GNAT3: variants seen among roughly 807,000 people sequenced by gnomAD.
GNAT3 encodes the protein G protein subunit alpha transducin 3, also known as guanine nucleotide-binding protein G(t) subunit alpha-3.
GNAT3 carries 31 observed loss-of-function variants against 37.7 expected under a neutral mutation model. The observed-to-expected ratio is 0.82, with a 90% CI of 0.62 to 1.11. The LOEUF is 1.11. Ranked by LOEUF, GNAT3 falls within the 50% of genes most tolerant of loss-of-function variation. The pLI, the probability that GNAT3 is intolerant of heterozygous loss-of-function variation, is 0.00. For missense variants in GNAT3, 437 were observed against 412.5 expected (o/e 1.06, Z -0.51); for synonymous variants, 138 against 139.8 (o/e 0.99, Z 0.09).
chr7:80,462,108 T>C (rs1417278595), intron 7 of GNAT3, 51 bp downstream of exon 7: 1 of 1,139,396 alleles, frequency 8.8e-7, no homozygotes, highest in South Asian at 1.5e-5. Flanking sequence ...ATAGGAAATA[T>C]ATATTTATAC....
intron 1 of GNAT3, among the ~76,000 whole-genome samples, chr7:80,508,277 A>C (rs1344826589): frequency 6.6e-6 from 1 of 151,980 alleles, no homozygotes; most frequent in Non-Finnish European, 1.5e-5. Context: ...ATTTGCAAAA[A>C]AAACAAACGA....
intron 3 of GNAT3, among the ~76,000 whole-genome samples, chr7:80,479,591 G>A (rs1790357555): frequency 6.6e-6 from 1 of 151,516 alleles, no homozygotes; most frequent in Non-Finnish European, 1.5e-5. Context: ...CATGTCTGTA[G>A]TCCCAGCTAC....
At chr7:80,480,622 T>G (rs1238963747) in intron 3 of GNAT3, among the ~76,000 whole-genome samples, 6 of 152,108 alleles carry the variant, frequency 3.9e-5, no homozygotes, top group Admixed American at 3.9e-4. Flanking sequence ...TGTGGTTTCT[T>G]GATGATATGC....
intron 2 of GNAT3, among the ~76,000 whole-genome samples, chr7:80,493,780 CTCCACCTCTT>C (rs1420429569): frequency 8.7e-6 from 1 of 114,972 alleles, no homozygotes; most frequent in African/African-American, 2.9e-5. Context: ...CTCTTTCCTC[CTCCACCTCTT>C]TCCTCCTCCT....
At chr7:80,494,542 A>G in intron 2 of GNAT3, 63 bp downstream of exon 2, 1 of 875,890 alleles carries the variant, frequency 1.1e-6, no homozygotes, top group Admixed American at 2.5e-5. Flanking sequence ...CATGTATTTT[A>G]AGAATGGTCA....
chr7:80,486,633 T>TC, intron 3 of GNAT3: 1 of 74,796 alleles, frequency 1.3e-5, no homozygotes, highest in African/African-American at 1.7e-4. Context: ...TTTCTTTTCC[T>TC]TTTTTTTTTT....
chr7:80,507,632 A>G (rs1790973582), intron 1 of GNAT3, among the ~76,000 whole-genome samples: 1 of 152,024 alleles, frequency 6.6e-6, no homozygotes, highest in African/African-American at 2.4e-5. Context: ...TGATGAAGGT[A>G]TTAATAAATC....
intron 5 of GNAT3, among the ~76,000 whole-genome samples, chr7:80,464,517 G>C (rs533786278): frequency 6.6e-6 from 1 of 152,148 alleles, no homozygotes; most frequent in Non-Finnish European, 1.5e-5. Context: ...TTTTTAGATA[G>C]GGAATTGACA....
intron 1 of GNAT3, among the ~76,000 whole-genome samples, chr7:80,509,599 C>T (rs1385194190): frequency 6.6e-6 from 1 of 152,054 alleles, no homozygotes; most frequent in East Asian, 1.9e-4. Flanking sequence ...AATAATTCAT[C>T]TGACTTATTT....
chr7:80,462,283 G>A lies in GNAT3; in HGVS notation c.750C>T (p.Phe250=), dbSNP rs1322012206. 1.2e-6 allele frequency: 2 copies of A among 1,612,960 alleles called. No individual in the cohort carries two copies. Among genetic ancestry groups the A allele is most frequent in the South Asian group, 2.2e-5 (2 of 90,974 alleles). ...VNRMHESLHL[F]NSICNHKYFS... ...AATACTTGTGATTACAGATACTGTTGAACAGGTGAAGGCTTTCATGCATTC... is the reference window on the plus strand; with the variant it reads ...AATACTTGTGATTACAGATACTGTTAAACAGGTGAAGGCTTTCATGCATTC... Residue 250 remains phenylalanine, a synonymous_variant, in exon 7 of 8, where the codon TTC becomes TTT. Coordinates refer to ENST00000398291, the MANE Select transcript of GNAT3 (RefSeq NM_001102386.3).
Position 80,510,575 on chromosome 7 carries a change from T to G in GNAT3, c.118+1234A>C, listed in dbSNP as rs971699787. Among the ~76,000 whole-genome samples, 8 of 152,152 alleles carry G rather than the reference T, an allele frequency of 5.3e-5. 1 individual carries two copies. Among genetic ancestry groups the G allele is most frequent in the African/African-American group, 1.9e-4 (8 of 41,442 alleles). On this transcript the variant is annotated intron_variant, in intron 1 of 7. Coordinates refer to ENST00000398291, the MANE Select transcript of GNAT3 (RefSeq NM_001102386.3). ...CTCAGAAACTAACAGAATTCTATGG[T>G]GTGTTAGGAAGCATATATTTCCTGG...
In GNAT3 at chr7:80,471,471, A is replaced by T. The variant is rs146926744; in HGVS notation, c.590+2780T>A. On this transcript the variant is annotated intron_variant, in intron 5 of 7. Coordinates refer to ENST00000398291, the MANE Select transcript of GNAT3 (RefSeq NM_001102386.3). The stretch of plus-strand genomic sequence containing the variant: ...GAAATAGATGTCTCAGAAAATGACC[A>T]TGATTTTCTGAGGATTTACGTGTTT... Among the ~76,000 whole-genome samples the T allele has an allele frequency of 1.0e-3, 152 of 152,144 alleles. 2 individuals carry two copies. The highest frequency in any genetic ancestry group is 3.6e-3 in the African/African-American group (148 of 41,516).
intron 5 of GNAT3, among the ~76,000 whole-genome samples, chr7:80,464,111 G>T (rs1167654557): frequency 6.6e-6 from 1 of 151,582 alleles, no homozygotes; most frequent in African/African-American, 2.4e-5. Context: ...TGGTGTGTGT[G>T]TTTCAAAATA....
rs1274835033 is a variant in GNAT3 at position 80,474,380 on chromosome 7, C to T, written c.462-1G>A. ...TATTCTATCTAAATCATTAAGGTAG[C>T]TAATAAAGACAAAACAAAATTATAT... On this transcript the variant is annotated splice_acceptor_variant, in intron 4 of 7. Transcript: ENST00000398291. LOFTEE classifies it high-confidence loss of function. The T allele has an allele frequency of 2.0e-6, 3 of 1,510,262 alleles. No individual in the cohort carries two copies. Among genetic ancestry groups the T allele is most frequent in the Non-Finnish European group, 2.7e-6 (3 of 1,116,040 alleles). The allele number at this position is 1,510,262 out of a possible 1,614,324, so 93.6% of individuals were successfully genotyped here. A position where few individuals can be genotyped will look rare whatever the true frequency, so the allele number is the denominator to read the frequency against.
chr7:80,494,743 T>TA (rs397731291), intron 1 of GNAT3, 96 bp from the exon 2 acceptor site: 18 of 764,316 alleles, frequency 2.4e-5, no homozygotes, highest in Non-Finnish European at 3.6e-5. Context: ...TAATTTTTTT[T>TA]AATAGGTTTA....
chr7:80,475,779 A>G (rs1790292671), intron 4 of GNAT3, among the ~76,000 whole-genome samples: 1 of 152,134 alleles, frequency 6.6e-6, no homozygotes, highest in African/African-American at 2.4e-5. Flanking sequence ...AGCTGAAACA[A>G]ATTAAGGTTG....
At chr7:80,497,613 TACATATAC>T (rs1423783784) in intron 1 of GNAT3, among the ~76,000 whole-genome samples, 10 of 113,538 alleles carry the variant, frequency 8.8e-5, no homozygotes, top group African/African-American at 3.7e-4. Context: ...TATACGTATA[TACATATAC>T]GTATATACAT....
intron 4 of GNAT3, among the ~76,000 whole-genome samples, chr7:80,476,595 GC>G (rs774228509): frequency 5.3e-5 from 8 of 151,254 alleles, no homozygotes; most frequent in Non-Finnish European, 8.9e-5. Context: ...TTTTTTGTTA[GC>G]CTTAACTTGA....
intron 7 of GNAT3, 86 bp downstream of exon 7, chr7:80,462,073 A>G: frequency 1.2e-6 from 1 of 846,730 alleles, no homozygotes; most frequent in Admixed American, 2.8e-5. Flanking sequence ...CCTCATCCTC[A>G]TAAGTATTAA....
Sources: allele counts gnomAD v4.1 joint callset (sites outside exome capture counted in the v4.1 genomes callset), GRCh38; gene constraint gnomAD v4.1.1; transcripts MANE v1.5; gene names NCBI Gene and HGNC (gene_info 2026-07-23, HGNC 2026-07-21).